The following HPR variants were observed in gnomAD, a reference collection of about 807,000 sequenced individuals.
HPR encodes haptoglobin-related protein.
HPR carries 17 observed loss-of-function variants against 18.5 expected under a neutral mutation model. The observed-to-expected ratio is 0.92, with a 90% CI of 0.63 to 1.38. HPR has a LOEUF of 1.38. Ranked by LOEUF, HPR falls within the 40% of genes most tolerant of loss-of-function variation. The probability of loss-of-function intolerance (pLI) is 0.00; values close to 1 mark genes in which losing one functional copy is unlikely to be tolerated. For missense variants in HPR, 457 were observed against 432.4 expected, an observed-to-expected ratio of 1.06 and a Z score of -0.51; for synonymous variants, 176 against 165.0, an observed-to-expected ratio of 1.07 and a Z score of -0.51.
At chr16:72,069,623 A>C (rs2041634305) in intron 1 of HPR, among the ~76,000 whole-genome samples, 1 of 152,194 alleles carries the variant, frequency 6.6e-6, no homozygotes, top group Non-Finnish European at 1.5e-5. Flanking sequence ...TGGGGATCCC[A>C]AGCCATGTGC....
At chr16:72,075,260 G>T (rs1177203246) in intron 4 of HPR, 41 bp downstream of exon 4, 3 of 1,131,796 alleles carry the variant, frequency 2.7e-6, no homozygotes. Context: ...GCAGGCAGGC[G>T]TCCAGCGGGG....
At position 72,074,316 on chromosome 16, in the gene HPR, A is replaced by C. The variant is rs152832; in HGVS notation, c.124A>C (p.Asn42His). Residue 42 changes from asparagine (N) to histidine (H), a missense_variant, in exon 3 of 5, where the codon AAT becomes CAT. Transcript: ENST00000540303. ...CTTCCCGAAGCCCCCTGAGATTGCA[A>C]ATGGCTATGTGGAGCACTTGTTTCG... Reference protein sequence around the residue: ...DRFPKPPEIANGYVEHLFRYQ... With the variant: ...DRFPKPPEIAHGYVEHLFRYQ... 8 of 1,614,066 alleles carry C rather than the reference A, an allele frequency of 5.0e-6. No individual in the cohort carries two copies. Among genetic ancestry groups the C allele is most frequent in the East Asian group, 2.2e-5 (1 of 44,832 alleles).
At chr16:72,068,155 T>C (rs2041617323) in intron 1 of HPR, among the ~76,000 whole-genome samples, 1 of 152,202 alleles carries the variant, frequency 6.6e-6, no homozygotes, top group Non-Finnish European at 1.5e-5. Flanking sequence ...GATATTCTCA[T>C]ATCTGGTGAG....
chr16:72,071,323 C>T (rs2041653120), intron 1 of HPR, among the ~76,000 whole-genome samples: 1 of 152,202 alleles, frequency 6.6e-6, no homozygotes, highest in Non-Finnish European at 1.5e-5. Context: ...TCCATCTGCA[C>T]TTTAAACAAA....
At chr16:72,067,607 G>T (rs1053263673) in intron 1 of HPR, among the ~76,000 whole-genome samples, 1 of 152,244 alleles carries the variant, frequency 6.6e-6, no homozygotes, top group East Asian at 1.9e-4. Context: ...GGAAAGCTTC[G>T]AATTCTCCCA....
chr16:72,074,816 A>T lies in HPR; in HGVS notation c.194-329A>T, dbSNP rs113815935. ...ATTCTCACTTTGCTGATAAGGAAAC[A>T]GAGGCACCGACAGGTTGAGTATCTT... On this transcript the variant is annotated intron_variant, in intron 3 of 4. Coordinates refer to ENST00000540303, the MANE Select transcript of HPR (RefSeq NM_020995.4). 7.1e-5 allele frequency: 46 copies of T among 650,140 alleles called. 1 individual carries two copies. Among genetic ancestry groups the T allele is most frequent in the Middle Eastern group, 4.1e-4 (1 of 2,414 alleles). The allele number at this position is 650,140 out of a possible 1,614,324, so 40.3% of individuals were successfully genotyped here. A position where few individuals can be genotyped will look rare whatever the true frequency, so the allele number is the denominator to read the frequency against.
In HPR at chr16:72,077,106, C is replaced by T. The variant is rs374234576; in HGVS notation, c.*25C>T. On this transcript the variant is annotated 3_prime_UTR_variant, in exon 5 of 5. Coordinates refer to ENST00000540303, the MANE Select transcript of HPR (RefSeq NM_020995.4). ...ATGCAAGGCTGGCCGGAAGCCCTTG[C>T]CTGAAAGCAAGATTTCAGCCTGGAA... is the stretch of plus-strand genomic sequence containing the variant. 3.1e-4 allele frequency: 489 copies of T among 1,586,606 alleles called. 1 individual carries two copies. The highest frequency in any genetic ancestry group is 1.7e-3 in the Middle Eastern group (10 of 5,946).
chr16:72,066,875 C>T (rs1452894536), intron 1 of HPR, among the ~76,000 whole-genome samples: 1 of 152,110 alleles, frequency 6.6e-6, no homozygotes, highest in Non-Finnish European at 1.5e-5. Context: ...CAGGTGGCTC[C>T]AAACCCATAT....
chr16:72,076,896 T>C lies in HPR; in HGVS notation c.862T>C (p.Tyr288His), dbSNP rs1243008488. The change falls in exon 5 of 5, where the codon TAC becomes CAC. Residue 288 changes from tyrosine (Y) to histidine (H), a missense_variant. Transcript: ENST00000540303. ...EHTFCVGMSK[Y>H]QEDTCYGDAG... Reference sequence around the variant, plus strand: ...CACCTTCTGTGTCGGCATGTCTAAGTACCAGGAAGACACCTGCTATGGCGA... The same window carrying C: ...CACCTTCTGTGTCGGCATGTCTAAGCACCAGGAAGACACCTGCTATGGCGA... 11 of 1,614,236 alleles carry C rather than the reference T, an allele frequency of 6.8e-6. No homozygotes were observed. The highest frequency in any genetic ancestry group is 9.3e-6 in the Non-Finnish European group (11 of 1,180,042).
Position 72,076,225 on chromosome 16 carries a change from G to A in HPR, c.269-78G>A, listed in dbSNP as rs1418745225. On this transcript the variant is annotated intron_variant, in intron 4 of 4. Transcript: ENST00000540303. ...TCCAGTTTATGCAGCAGTGACAGCC[G>A]CCAATGCTTTCACCCCTTTCTCAGA... 9.4e-6 allele frequency: 15 copies of A among 1,591,644 alleles called. 1 individual carries two copies. In the East Asian group the frequency reaches 1.4e-4, roughly 15 times the overall value.
At chr16:72,073,844 T>C (rs367728425) in intron 1 of HPR, 48 bp from the exon 2 acceptor site, 32 of 1,612,708 alleles carry the variant, frequency 2.0e-5, no homozygotes, top group Non-Finnish European at 2.6e-5. Flanking sequence ...GCATGTGCTG[T>C]GAAGCAGGGA....
intron 1 of HPR, among the ~76,000 whole-genome samples, chr16:72,071,536 T>G (rs1450783287): frequency 1.3e-5 from 2 of 152,276 alleles, no homozygotes; most frequent in East Asian, 3.9e-4. Context: ...CCGAGGGCCA[T>G]CAGCTTCCGT....
At chr16:72,073,856 A>T in intron 1 of HPR, 36 bp from the exon 2 acceptor site, 1 of 1,613,208 alleles carries the variant, frequency 6.2e-7, no homozygotes, top group Non-Finnish European at 8.5e-7. Flanking sequence ...AAGCAGGGAG[A>T]CCAGCTTTCC....
intron 1 of HPR, among the ~76,000 whole-genome samples, chr16:72,068,577 T>G (rs2041621883): frequency 6.6e-6 from 1 of 152,170 alleles, no homozygotes; most frequent in South Asian, 2.1e-4. Context: ...AAAATACACT[T>G]CACCTTTTCG....
chr16:72,073,995 G>C lies in HPR; in HGVS notation c.91+18G>C. On this transcript the variant is annotated intron_variant, in intron 2 of 4. Coordinates refer to ENST00000540303, the MANE Select transcript of HPR (RefSeq NM_020995.4). ...TATTTCAGGTCAGTCTTTGAGTTGG[G>C]TAGGAGCATGCATCCCTGGCACTGC... is the stretch of plus-strand genomic sequence containing the variant. 6.2e-7 allele frequency: 1 copy of C among 1,613,918 alleles called. No individual in the cohort carries two copies. The highest frequency in any genetic ancestry group is 8.5e-7 in the Non-Finnish European group (1 of 1,179,954).
intron 4 of HPR, 141 bp downstream of exon 4, chr16:72,075,360 GGA>G: frequency 2.2e-6 from 2 of 897,268 alleles, no homozygotes; most frequent in Non-Finnish European, 3.5e-6. Flanking sequence ...AGCTGGCCAG[GGA>G]GAGACTTAAG....
chr16:72,074,002 C>A, intron 2 of HPR, 25 bp downstream of exon 2: 1 of 1,613,786 alleles, frequency 6.2e-7, no homozygotes, highest in Non-Finnish European at 8.5e-7. Flanking sequence ...TGGGTAGGAG[C>A]ATGCATCCCT....
Position 72,076,349 on chromosome 16 carries a change from G to C in HPR, c.315G>C (p.Leu105=), listed in dbSNP as rs776255500. The C allele has an allele frequency of 2.3e-5, 37 of 1,613,794 alleles. No individual in the cohort carries two copies. The African/African-American group carries it at 3.1e-4, about 13-fold the overall frequency. The change falls in exon 5 of 5, where the codon CTG becomes CTC. Residue 105 remains leucine (L), a synonymous_variant. Transcript: ENST00000540303. ...CGGCAAACCCAGTGCAGCGGATCCT[G>C]GGTGGACACCTGGATGCCAAAGGCA... ...KNPANPVQRI[L]GGHLDAKGSF...
chr16:72,073,648 G>T, intron 1 of HPR: 4 of 1,353,964 alleles, frequency 3.0e-6, no homozygotes, highest in Non-Finnish European at 3.9e-6. Flanking sequence ...GAGCTTGCTG[G>T]AAGCTTGGTA....
Sources: gnomAD v4.1 joint callset for allele counts (sites outside exome capture counted in the v4.1 genomes callset) on GRCh38, gnomAD v4.1.1 for gene constraint, MANE v1.5 for transcripts, NCBI Gene and HGNC (gene_info 2026-07-23, HGNC 2026-07-21) for gene names.